DNAAF5: variants seen among roughly 807,000 people sequenced by gnomAD.
DNAAF5 encodes the protein HEAT repeat containing 2.
In DNAAF5, 64 loss-of-function variants were observed where a neutral mutation model predicts 75.8. That is an observed-to-expected ratio of 0.84 (90% CI 0.69 to 1.04). The LOEUF (loss-of-function observed/expected upper bound fraction) is 1.04, where lower values mean the gene tolerates loss of function less well. Among genes scored for constraint, DNAAF5 ranks in the 50% least tolerant of loss-of-function variants. The pLI is 0.00. For missense variants in DNAAF5, 1,269 were observed against 1,178.5 expected, an observed-to-expected ratio of 1.08 and a Z score of -1.12; for synonymous variants, 657 against 557.2, an observed-to-expected ratio of 1.18 and a Z score of -2.52.
intron 8 of DNAAF5, among the ~76,000 whole-genome samples, chr7:767,657 G>GTT (rs1778361953): frequency 6.6e-6 from 1 of 152,192 alleles, no homozygotes; most frequent in Admixed American, 6.5e-5. Flanking sequence ...CAGTGCAGAA[G>GTT]TGTCCGTGCT....
chr7:759,643 G>A (rs774395039), intron 6 of DNAAF5, among the ~76,000 whole-genome samples: 7 of 152,138 alleles, frequency 4.6e-5, no homozygotes, highest in African/African-American at 7.2e-5. Flanking sequence ...GTGTGTGTGC[G>A]TTGTATGTAG....
chr7:749,886 A>G lies in DNAAF5; in HGVS notation c.1025-4703A>G, dbSNP rs183358814. Among the ~76,000 whole-genome samples the G allele has an allele frequency of 3.4e-3, 521 of 152,236 alleles. 7 individuals are homozygous for G. The highest frequency in any genetic ancestry group is 0.012 in the African/African-American group (503 of 41,546). On this transcript the variant is annotated intron_variant, in intron 4 of 12. Transcript: ENST00000297440. ...GATAATTTTTGTGTTTTTAGTAGAGACAGGGTTTCACCATATCAGTCAGGC... is the reference window on the plus strand; with the variant it reads ...GATAATTTTTGTGTTTTTAGTAGAGGCAGGGTTTCACCATATCAGTCAGGC...
intron 6 of DNAAF5, 42 bp downstream of exon 6, chr7:757,036 T>C: frequency 6.5e-7 from 1 of 1,550,346 alleles, no homozygotes; most frequent in Non-Finnish European, 8.7e-7. Flanking sequence ...AGGAGGAGCC[T>C]CCCCTGCCCG....
intron 12 of DNAAF5, among the ~76,000 whole-genome samples, chr7:780,411 G>A (rs964834681): frequency 2.0e-5 from 3 of 152,234 alleles, no homozygotes; most frequent in Admixed American, 6.5e-5. Context: ...AGTAAGCCCA[G>A]TATATATTGA....
At chr7:777,893 A>G (rs895207153) in intron 11 of DNAAF5, among the ~76,000 whole-genome samples, 1 of 152,156 alleles carries the variant, frequency 6.6e-6, no homozygotes, top group African/African-American at 2.4e-5. Flanking sequence ...TGGAGCGGGC[A>G]GAGGACACGG....
chr7:773,409 C>T, intron 9 of DNAAF5, among the ~76,000 whole-genome samples: 1 of 152,156 alleles, frequency 6.6e-6, no homozygotes, highest in Non-Finnish European at 1.5e-5. Flanking sequence ...GTTGGGATGT[C>T]ACTAATGAGT....
intron 4 of DNAAF5, among the ~76,000 whole-genome samples, chr7:744,227 A>G (rs1204565136): frequency 1.3e-5 from 2 of 152,148 alleles, no homozygotes; most frequent in East Asian, 3.9e-4. Flanking sequence ...ACTGAGAATG[A>G]TGATTTTGAA....
At position 727,298 on chromosome 7, in the gene DNAAF5, T is replaced by A; in HGVS notation, c.578T>A (p.Leu193Gln). The change falls in exon 1 of 13, where the codon CTG becomes CAG. Residue 193 changes from leucine to glutamine, a missense_variant. Transcript: ENST00000297440. ...RRESCSCAAA[L>Q]AQATPDHFHM... ...GAGAGCTGCAGCTGCGCCGCCGCCC[T>A]GGCGCAGGCCACGCCCGGTGAGCAC... 1 of 1,298,470 alleles carries A rather than the reference T, an allele frequency of 7.7e-7. No individual in the cohort carries two copies. The highest frequency in any genetic ancestry group is 9.7e-7 in the Non-Finnish European group (1 of 1,026,896). The allele number at this position is 1,298,470 out of a possible 1,614,324, so 80.4% of individuals were successfully genotyped here.
At chr7:776,021 A>G (rs1042613696) in intron 11 of DNAAF5, among the ~76,000 whole-genome samples, 1 of 152,104 alleles carries the variant, frequency 6.6e-6, no homozygotes, top group Non-Finnish European at 1.5e-5. Flanking sequence ...TTTAAGTTTG[A>G]TGGTGGCTTG....
At chr7:783,363 G>A (rs1779041957) in intron 12 of DNAAF5, among the ~76,000 whole-genome samples, 1 of 152,236 alleles carries the variant, frequency 6.6e-6, no homozygotes, top group African/African-American at 2.4e-5. Context: ...CAGGGGGCGT[G>A]GGCCTCAGCT....
chr7:782,647 G>T (rs557808430), intron 12 of DNAAF5, among the ~76,000 whole-genome samples: 1 of 105,974 alleles, frequency 9.4e-6, no homozygotes, highest in African/African-American at 3.9e-5. Flanking sequence ...GCCGCCTCCC[G>T]TCACGCAGCG....
Position 726,937 on chromosome 7 carries a change from T to TG in DNAAF5, c.220dup (p.Ala74GlyfsTer66). 1 of 1,339,684 alleles carries TG rather than the reference T, an allele frequency of 7.5e-7. No individual in the cohort carries two copies. The highest frequency in any genetic ancestry group is 9.6e-7 in the Non-Finnish European group (1 of 1,042,214). 83.0% of individuals were successfully genotyped at this position (1,339,684 alleles called of 1,614,324 possible). A position where few individuals can be genotyped will look rare whatever the true frequency, so the allele number is the denominator to read the frequency against. On this transcript the variant is annotated frameshift_variant, in exon 1 of 13. Coordinates refer to ENST00000297440, the MANE Select transcript of DNAAF5 (RefSeq NM_017802.4). LOFTEE classifies it high-confidence loss of function. Reference sequence around the variant, plus strand: ...CGACCCCACCGCTTTCCAGGGCCCCTGGGCGCGCCTACTGCTGCCGCGCTT... The same window carrying TG: ...CGACCCCACCGCTTTCCAGGGCCCCTGGGGCGCGCCTACTGCTGCCGCGCTT...
At position 768,926 on chromosome 7, in the gene DNAAF5, C is replaced by T. The variant is rs185053688; in HGVS notation, c.1784-1545C>T. ...AAGCAGCGTGGTTCTCGTGGCAGGG[C>T]GGCACTTGGCCCAAGACTCGTGCTC... On this transcript the variant is annotated intron_variant, in intron 8 of 12. Transcript: ENST00000297440. 2.0e-4 allele frequency: 109 copies of T among 550,274 alleles called. No individual in the cohort carries two copies. In the Admixed American group the frequency reaches 2.4e-3, roughly 12 times the overall value. The allele number at this position is 550,274 out of a possible 1,614,324, so 34.1% of individuals were successfully genotyped here. A position where few individuals can be genotyped will look rare whatever the true frequency, so the allele number is the denominator to read the frequency against.
Position 727,323 on chromosome 7 carries a change from C to T in DNAAF5, c.595+8C>T. On this transcript the variant is annotated splice_region_variant and intron_variant, in intron 1 of 12. Coordinates refer to ENST00000297440, the MANE Select transcript of DNAAF5 (RefSeq NM_017802.4). Reference sequence around the variant, plus strand: ...TGGCGCAGGCCACGCCCGGTGAGCACCCCGGGCCCCGCTCCCACACGCCAC... The same window carrying T: ...TGGCGCAGGCCACGCCCGGTGAGCATCCCGGGCCCCGCTCCCACACGCCAC... 1.1e-5 allele frequency: 14 copies of T among 1,262,742 alleles called. No individual in the cohort carries two copies. The highest frequency in any genetic ancestry group is 2.5e-5 in the South Asian group (1 of 39,754). The allele number at this position is 1,262,742 out of a possible 1,614,324, so 78.2% of individuals were successfully genotyped here.
At chr7:760,924 A>G (rs1461941544) in intron 6 of DNAAF5, among the ~76,000 whole-genome samples, 1 of 152,220 alleles carries the variant, frequency 6.6e-6, no homozygotes, top group Non-Finnish European at 1.5e-5. Context: ...AATGCACAGA[A>G]GAGGGGCAGG....
chr7:780,453 T>G (rs1167214889), intron 12 of DNAAF5, among the ~76,000 whole-genome samples: 1 of 152,256 alleles, frequency 6.6e-6, no homozygotes, highest in Non-Finnish European at 1.5e-5. Flanking sequence ...AAAAATACTT[T>G]CCAAAACAAA....
At position 754,799 on chromosome 7, in the gene DNAAF5, A is replaced by G; in HGVS notation, c.1235A>G (p.Glu412Gly). 1 of 1,606,680 alleles carries G rather than the reference A, an allele frequency of 6.2e-7. No individual in the cohort carries two copies. The highest frequency in any genetic ancestry group is 8.5e-7 in the Non-Finnish European group (1 of 1,174,868). ...ACCCTGTTCCAGGCCTGCACCGACG[A>G]GGAGGCAGCCGTGGTCCAAAGTGTA... Reference protein sequence around the residue: ...LRTLFQACTDEEAAVVQSCTR... With the variant: ...LRTLFQACTDGEAAVVQSCTR... Residue 412 changes from glutamate (E) to glycine (G), a missense_variant, in exon 5 of 13, where the codon GAG (glutamate) becomes GGG (glycine). Glu to Gly is a moderately conservative substitution (Grantham distance 98). Coordinates refer to ENST00000297440, the MANE Select transcript of DNAAF5 (RefSeq NM_017802.4). This position sits in a 1 kb window ranked among gnomAD's most constrained non-coding sequence, Gnocchi z 4.8.
intron 8 of DNAAF5, chr7:769,097 T>G: frequency 1.4e-6 from 1 of 739,110 alleles, no homozygotes; most frequent in Non-Finnish European, 2.5e-6. Flanking sequence ...CGTCTCCGTG[T>G]GGCAAGGGCA....
At chr7:728,893 T>C (rs1260463973) in intron 1 of DNAAF5, among the ~76,000 whole-genome samples, 1 of 151,920 alleles carries the variant, frequency 6.6e-6, no homozygotes, top group Non-Finnish European at 1.5e-5. Context: ...GTTGAGGCGC[T>C]CACCCAAAGT....
Sources: gnomAD v4.1 joint callset for allele counts (sites outside exome capture counted in the v4.1 genomes callset) on GRCh38, gnomAD v4.1.1 for gene constraint, Gnocchi (gnomAD v3.1) non-coding constraint, MANE v1.5 for transcripts, NCBI Gene and HGNC (gene_info 2026-07-23, HGNC 2026-07-21) for gene names.